The following SULT2B1 variants were observed in gnomAD, a reference collection of about 807,000 sequenced individuals.
SULT2B1 encodes the protein sulfotransferase 2B1.
SULT2B1 carries 16 observed loss-of-function variants against 33.2 expected under a neutral mutation model. That is an observed-to-expected ratio of 0.48 (90% CI 0.33 to 0.73). SULT2B1 has a LOEUF of 0.73. SULT2B1 is among the 30% of genes least tolerant of loss of function. The pLI, the probability that SULT2B1 is intolerant of heterozygous loss-of-function variation, is 0.02. For missense variants in SULT2B1, 500 were observed against 506.0 expected (o/e 0.99, Z 0.11); for synonymous variants, 186 against 200.5 (o/e 0.93, Z 0.61).
Position 48,573,177 on chromosome 19 carries a change from T to C in SULT2B1, c.72-2764T>C, listed in dbSNP as rs578052571. ...TCTCAAAAAAAAAAAAAAAAAAATT[T>C]ACATGTCCAGGGGGCTTGCAGGCAG... On this transcript the variant is annotated intron_variant, in intron 1 of 6. Coordinates refer to ENST00000201586, the MANE Select transcript of SULT2B1 (RefSeq NM_177973.2). 7.5e-3 allele frequency among the ~76,000 whole-genome samples: 1,101 copies of C among 147,292 alleles called. 12 individuals carry two copies. Among genetic ancestry groups the C allele is most frequent in the African/African-American group, 0.026 (1,041 of 39,636 alleles).
chr19:48,565,483 G>A (rs974786372), intron 1 of SULT2B1, among the ~76,000 whole-genome samples: 1 of 151,630 alleles, frequency 6.6e-6, no homozygotes, highest in Admixed American at 6.6e-5. Context: ...AGATTCAAGC[G>A]ATTCTCCTGC....
intron 6 of SULT2B1, among the ~76,000 whole-genome samples, chr19:48,597,321 T>A (rs1391560324): frequency 1.4e-5 from 2 of 145,188 alleles, no homozygotes; most frequent in African/African-American, 2.5e-5. Flanking sequence ...ACTCCATGAC[T>A]CAAAACACGT....
rs1601093366 is a variant in SULT2B1, at chr19:48,569,415, A to C, written c.72-6526A>C. 1.6e-5 allele frequency among the ~76,000 whole-genome samples: 2 copies of C among 121,842 alleles called. 1 individual carries two copies. Among genetic ancestry groups the C allele is most frequent in the African/African-American group, 6.1e-5 (2 of 32,742 alleles). The allele number at this position is 121,842 out of a possible 152,430, so 79.9% of individuals were successfully genotyped here. On this transcript the variant is annotated intron_variant, in intron 1 of 6. Coordinates refer to ENST00000201586, the MANE Select transcript of SULT2B1 (RefSeq NM_177973.2). ...ATATATATATGATAAATTTTAGATA[A>C]ATTTTTATCTAAAATTGTAACTCAC... is the stretch of plus-strand genomic sequence containing the variant.
intron 1 of SULT2B1, among the ~76,000 whole-genome samples, chr19:48,566,281 C>G (rs1973242542): frequency 6.6e-6 from 1 of 152,104 alleles, no homozygotes; most frequent in Non-Finnish European, 1.5e-5. Flanking sequence ...AGGCTGGTCT[C>G]AAACTCCTAG....
rs758925227 is a variant in SULT2B1, at chr19:48,596,753, C to T, written c.660C>T (p.Ser220=). The T allele has an allele frequency of 2.5e-6, 4 of 1,605,448 alleles. No homozygotes were observed. Among genetic ancestry groups the T allele is most frequent in the East Asian group, 2.2e-5 (1 of 44,830 alleles). The stretch of plus-strand genomic sequence containing the variant: ...CCTGCCTGCAGGACTTACAGGGCTC[C>T]GTGGAGCGCATCTGTGGGTTCCTGG... ...YEELQQDLQG[S]VERICGFLGR... Residue 220 remains serine, a synonymous_variant, in exon 6 of 7, where the codon TCC becomes TCT. Transcript: ENST00000201586.
intron 1 of SULT2B1, among the ~76,000 whole-genome samples, chr19:48,569,399 T>TGA (rs367947153): frequency 0.7 from 95,725 of 136,740 alleles, 34,115 homozygotes; most frequent in African/African-American, 0.8. Flanking sequence ...TATATATATA[T>TGA]GATAAATTTT....
At chr19:48,596,559 G>A in intron 5 of SULT2B1, 180 bp from the exon 6 acceptor site, 1 of 629,652 alleles carries the variant, frequency 1.6e-6, no homozygotes, top group African/African-American at 1.9e-5. Flanking sequence ...GACAGAAACT[G>A]CAAAAACCCT....
At chr19:48,570,561 G>A (rs937443765) in intron 1 of SULT2B1, among the ~76,000 whole-genome samples, 1 of 152,172 alleles carries the variant, frequency 6.6e-6, no homozygotes, top group Non-Finnish European at 1.5e-5. Context: ...CGTTTGAGCT[G>A]TTCCCAGGGT....
chr19:48,598,453 G>A (rs144432711), intron 6 of SULT2B1, among the ~76,000 whole-genome samples: 3 of 152,214 alleles, frequency 2.0e-5, no homozygotes, highest in South Asian at 2.1e-4. Flanking sequence ...TTAGCCGGGC[G>A]TGGTGGTGCG....
intron 1 of SULT2B1, among the ~76,000 whole-genome samples, chr19:48,566,504 C>T (rs1973244827): frequency 1.3e-5 from 2 of 152,238 alleles, no homozygotes; most frequent in South Asian, 4.1e-4. Flanking sequence ...TCGAGACCAT[C>T]CTGGCCAAAA....
intron 1 of SULT2B1, among the ~76,000 whole-genome samples, chr19:48,571,378 G>A (rs181576131): frequency 6.6e-5 from 10 of 151,364 alleles, no homozygotes; most frequent in African/African-American, 2.2e-4. Context: ...TGTATTTTTA[G>A]TAGAGATGGG....
At chr19:48,562,352 C>T (rs1254928681) in intron 1 of SULT2B1, among the ~76,000 whole-genome samples, 2 of 151,478 alleles carry the variant, frequency 1.3e-5, no homozygotes, top group East Asian at 3.9e-4. Flanking sequence ...GGCCATTGCA[C>T]TCCAGCCTGG....
intron 2 of SULT2B1, among the ~76,000 whole-genome samples, chr19:48,579,977 G>A (rs1435293927): frequency 6.6e-6 from 1 of 152,030 alleles, no homozygotes; most frequent in Non-Finnish European, 1.5e-5. Flanking sequence ...AGGCTGGAGT[G>A]CAGTGGTGCA....
chr19:48,581,561 C>T (rs1341703591), intron 2 of SULT2B1, among the ~76,000 whole-genome samples: 1 of 148,672 alleles, frequency 6.7e-6, no homozygotes, highest in Non-Finnish European at 1.5e-5. Context: ...AGGTTCACGC[C>T]ATTCTCCTGC....
intron 1 of SULT2B1, among the ~76,000 whole-genome samples, chr19:48,568,285 C>CA (rs1325928170): frequency 0.17 from 13,750 of 82,378 alleles, 2,477 homozygotes; most frequent in African/African-American, 0.42. Context: ...GACTCCATCT[C>CA]AAAAAAAAAA....
chr19:48,566,835 C>G (rs549771878), intron 1 of SULT2B1, among the ~76,000 whole-genome samples: 1 of 147,018 alleles, frequency 6.8e-6, no homozygotes, highest in South Asian at 2.2e-4. Flanking sequence ...CAGTGAGACT[C>G]TGTCAAAAAA....
At chr19:48,591,492 C>T in intron 3 of SULT2B1, 117 bp from the exon 4 acceptor site, 1 of 1,264,846 alleles carries the variant, frequency 7.9e-7, no homozygotes, top group East Asian at 2.6e-5. Flanking sequence ...AGAGTCTGCC[C>T]TGAGTCCTTC....
At chr19:48,572,099 T>C (rs75806763) in intron 1 of SULT2B1, among the ~76,000 whole-genome samples, 2 of 152,144 alleles carry the variant, frequency 1.3e-5, no homozygotes, top group African/African-American at 4.8e-5. Context: ...GCTCCCCTCC[T>C]GGTGCCAGGC....
chr19:48,579,089 T>C (rs1601100951), intron 2 of SULT2B1, among the ~76,000 whole-genome samples: 2 of 152,232 alleles, frequency 1.3e-5, no homozygotes, highest in East Asian at 3.9e-4. Flanking sequence ...GTCTGGTTTC[T>C]TCCTGAGCAT....
Sources: gnomAD v4.1 joint callset for allele counts (sites outside exome capture counted in the v4.1 genomes callset) on GRCh38, gnomAD v4.1.1 for gene constraint, MANE v1.5 for transcripts, NCBI Gene and HGNC (gene_info 2026-07-23, HGNC 2026-07-21) for gene names.